The following TRIOBP variants were observed in gnomAD, a reference collection of about 807,000 sequenced individuals.
TRIOBP encodes the protein TRIO and F-actin-binding protein.
A neutral mutation model predicts 238.8 loss-of-function variants in TRIOBP; 169 were observed. The observed-to-expected ratio is 0.71, with a 90% CI of 0.62 to 0.80. The LOEUF (loss-of-function observed/expected upper bound fraction) is 0.80, where lower values mean the gene tolerates loss of function less well. Among genes scored for constraint, TRIOBP ranks in the 30% least tolerant of loss-of-function variants. The pLI is 0.00. For synonymous variants in TRIOBP, 1,150 were observed against 1,274.4 expected (o/e 0.90, Z 2.08); for missense variants, 2,838 against 3,122.6 (o/e 0.91, Z 2.17).
chr22:37,708,704 C>T (rs1241514539), intron 3 of TRIOBP, among the ~76,000 whole-genome samples: 1 of 152,232 alleles, frequency 6.6e-6, no homozygotes, highest in African/African-American at 2.4e-5. Flanking sequence ...TCTCAGCCTC[C>T]ATTTCCGAGA....
intron 12 of TRIOBP, among the ~76,000 whole-genome samples, chr22:37,753,498 C>T (rs902695361): frequency 2.6e-5 from 4 of 152,112 alleles, no homozygotes; most frequent in East Asian, 1.9e-4. Flanking sequence ...AGGCTGGTCT[C>T]GAACTCCTGA....
intron 10 of TRIOBP, among the ~76,000 whole-genome samples, chr22:37,740,009 A>C (rs1051674968): frequency 6.6e-6 from 1 of 152,162 alleles, no homozygotes; most frequent in Non-Finnish European, 1.5e-5. Flanking sequence ...CCTTCTGTAT[A>C]CCCAGGTGTG....
At position 37,724,426 on chromosome 22, in the gene TRIOBP, C is replaced by T. The variant is rs769653124; in HGVS notation, c.1870C>T (p.Pro624Ser). 36 of 1,513,340 alleles carry T rather than the reference C, an allele frequency of 2.4e-5. No individual in the cohort carries two copies. The highest frequency in any genetic ancestry group is 3.2e-5 in the Non-Finnish European group (36 of 1,121,876). 93.7% of individuals were successfully genotyped at this position (1,513,340 alleles called of 1,614,324 possible). A position where few individuals can be genotyped will look rare whatever the true frequency, so the allele number is the denominator to read the frequency against. Residue 624 changes from proline to serine, a missense_variant, in exon 7 of 24, where the codon CCC becomes TCC. This residue lies in a region of TRIOBP where 167 missense variants were observed against 200.2 expected (regional missense o/e 0.83). Coordinates refer to ENST00000644935, the MANE Select transcript of TRIOBP (RefSeq NM_001039141.3). ...SSPNRATRDN[P>S]RTSCAQRDNP... ...TCCCAATAGAGCCACACGAGATAAC[C>T]CCAGAACATCCTGTGCCCAGCGGGA... is the stretch of plus-strand genomic sequence containing the variant.
Position 37,765,564 on chromosome 22 carries a change from G to C in TRIOBP, c.6325-106G>C, listed in dbSNP as rs1201924228. On this transcript the variant is annotated intron_variant, in intron 17 of 23. Transcript: ENST00000644935. ...GCAGACTGGAGGTGCTGGGACCCAG[G>C]AGGAGGTGGTGTACCTGCCCCTGAG... The C allele has an allele frequency of 1.4e-5, 20 of 1,460,834 alleles. No homozygotes were observed. In the East Asian group the frequency reaches 4.9e-4, roughly 36 times the overall value. 90.5% of individuals were successfully genotyped at this position (1,460,834 alleles called of 1,614,324 possible). A position where few individuals can be genotyped will look rare whatever the true frequency, so the allele number is the denominator to read the frequency against.
intron 17 of TRIOBP, among the ~76,000 whole-genome samples, chr22:37,762,405 C>A: frequency 6.6e-6 from 1 of 152,200 alleles, no homozygotes; most frequent in East Asian, 1.9e-4. Flanking sequence ...TTTAGATTTC[C>A]TTTAGATAAA....
Position 37,776,432 on chromosome 22 carries a change from T to G in TRIOBP, c.*2652T>G, listed in dbSNP as rs1055288073. On this transcript the variant is annotated 3_prime_UTR_variant, in exon 24 of 24. Transcript: ENST00000644935. ...TATGGCCTAGCATTTCCACTCTTGC[T>G]TACACATCCAGGAGAAATGAGTCCT... The G allele has an allele frequency of 2.6e-5, 4 of 152,210 alleles. No individual in the cohort carries two copies. Among genetic ancestry groups the G allele is most frequent in the Non-Finnish European group, 4.4e-5 (3 of 68,044 alleles). The allele number at this position is 152,210 out of a possible 1,614,324, so 9.4% of individuals were successfully genotyped here.
rs1924570164 is a variant in TRIOBP at position 37,734,586 on chromosome 22, A to C, written c.4250A>C (p.Gln1417Pro). The stretch of plus-strand genomic sequence containing the variant: ...ACACAGAGACCTCTGGAGAGTGGCC[A>C]AGCAGGCCCAAGACAGCCTCTGGGG... Reference protein sequence around the residue: ...LRTQRPLESGQAGPRQPLGVW... With the variant: ...LRTQRPLESGPAGPRQPLGVW... The change falls in exon 9 of 24, where the codon CAA (glutamine) becomes CCA (proline). Residue 1417 changes from glutamine (Q) to proline (P), a missense_variant. Physicochemically the swap from Gln to Pro is moderately conservative, Grantham distance 76. Around this residue, in one of 5 missense-constraint regions of TRIOBP, gnomAD observed 2,096 missense variants for 2,137.4 expected, o/e 0.98. Transcript: ENST00000644935. 1.3e-6 allele frequency: 2 copies of C among 1,580,458 alleles called. No homozygotes were observed. The highest frequency in any genetic ancestry group is 1.7e-6 in the Non-Finnish European group (2 of 1,163,468).
At position 37,754,975 on chromosome 22, in the gene TRIOBP, T is replaced by A. The variant is rs773562879; in HGVS notation, c.5478T>A (p.Thr1826=). 5 of 1,614,112 alleles carry A rather than the reference T, an allele frequency of 3.1e-6. No homozygotes were observed. The highest frequency in any genetic ancestry group is 4.2e-6 in the Non-Finnish European group (5 of 1,180,004). The change falls in exon 13 of 24, where the codon ACT becomes ACA. Residue 1826 remains threonine, a synonymous_variant. Coordinates refer to ENST00000644935, the MANE Select transcript of TRIOBP (RefSeq NM_001039141.3). ...GTCTCAAATATTACAGAGACTCCAC[T>A]GCTGAGGAGGTGAGGCCATGGGTGT... is the stretch of plus-strand genomic sequence containing the variant. ...DSSLKYYRDS[T]AEEADELDGE... is the part of the protein sequence containing the mutation.
Position 37,725,788 on chromosome 22 carries a change from C to T in TRIOBP, c.3232C>T (p.Arg1078Cys), listed in dbSNP as rs200359708. The T allele has an allele frequency of 2.2e-3, 3,541 of 1,609,526 alleles. 21 individuals are homozygous for T. The highest frequency in any genetic ancestry group is 2.1e-3 in the Non-Finnish European group (2,460 of 1,177,280). ...TGCCCCCCGGGCGTCCTCGCCCCCC[C>T]GCCACACCCAATTTGACCCCTTCCC... The part of the protein sequence containing the change: ...RDAPRASSPP[R>C]HTQFDPFPFL... Residue 1078 changes from arginine (R) to cysteine (C), a missense_variant, in exon 7 of 24, where the codon CGC becomes TGC. Physicochemically the swap from Arg to Cys is radical, Grantham distance 180. This residue lies in a region of TRIOBP where 2,096 missense variants were observed against 2,137.4 expected (regional missense o/e 0.98). Coordinates refer to ENST00000644935, the MANE Select transcript of TRIOBP (RefSeq NM_001039141.3).
intron 11 of TRIOBP, among the ~76,000 whole-genome samples, chr22:37,743,838 TGTGTGTGCTGGGTGTGTGTGA>T (rs1171877310): frequency 1.7e-5 from 2 of 120,310 alleles, no homozygotes; most frequent in Non-Finnish European, 3.3e-5. Flanking sequence ...TGTGTGTGTG[TGTGTGTGCTGGGTGTGTGTGA>T]GTGTGTGCTG....
intron 10 of TRIOBP, 52 bp from the exon 11 acceptor site, chr22:37,740,843 G>GC: frequency 6.4e-7 from 1 of 1,552,464 alleles, no homozygotes; most frequent in Non-Finnish European, 8.7e-7. Flanking sequence ...AGCCAGGGGT[G>GC]CCCCCATCCT....
rs1569046088 is a variant in TRIOBP, at chr22:37,734,463, CTTGGAG to C, written c.4129_4134del (p.Trp1377_Ser1378del). On this transcript the variant is annotated inframe_deletion, in exon 9 of 24. Coordinates refer to ENST00000644935, the MANE Select transcript of TRIOBP (RefSeq NM_001039141.3). ...CGGAGCCAAGCAGAGCCCCCTCATC[CTTGGAG>C]TCCTGAGAAGAGACCTGAGGGAGAT... 10 of 1,612,964 alleles carry C rather than the reference CTTGGAG, an allele frequency of 6.2e-6. No homozygotes were observed. Among genetic ancestry groups the C allele is most frequent in the Non-Finnish European group, 8.5e-6 (10 of 1,179,868 alleles).
chr22:37,733,180 C>G (rs905909600), intron 7 of TRIOBP, 118 bp from the exon 8 acceptor site: 26 of 791,904 alleles, frequency 3.3e-5, no homozygotes, highest in African/African-American at 2.4e-4. Context: ...GGCCCTTCAA[C>G]GAGCTTGCAG....
chr22:37,749,676 T>C (rs1051318508), intron 11 of TRIOBP, among the ~76,000 whole-genome samples: 4 of 151,272 alleles, frequency 2.6e-5, no homozygotes, highest in African/African-American at 4.9e-5. Context: ...GCCGGGCACA[T>C]TGGCTCACAC....
chr22:37,718,140 G>A (rs1272989928), intron 6 of TRIOBP, among the ~76,000 whole-genome samples: 3 of 152,150 alleles, frequency 2.0e-5, no homozygotes, highest in African/African-American at 2.4e-5. Flanking sequence ...CCGAGTGCGG[G>A]GCCCACCAAG....
chr22:37,709,668 G>A (rs1923133636), intron 3 of TRIOBP, among the ~76,000 whole-genome samples: 1 of 152,206 alleles, frequency 6.6e-6, no homozygotes, highest in African/African-American at 2.4e-5. Context: ...CTCTCCAGAG[G>A]TGGGGAGGAA....
chr22:37,742,020 C>T (rs1924957551), intron 11 of TRIOBP, among the ~76,000 whole-genome samples: 1 of 152,178 alleles, frequency 6.6e-6, no homozygotes, highest in Non-Finnish European at 1.5e-5. Context: ...TGCAGTGGCA[C>T]CATCTCTACT....
At position 37,701,429 on chromosome 22, in the gene TRIOBP, C is replaced by T. The variant is rs374228600; in HGVS notation, c.64C>T (p.Arg22Cys). The T allele has an allele frequency of 1.8e-5, 29 of 1,613,750 alleles. 1 individual carries two copies. The East Asian group carries it at 2.5e-4, about 14-fold the overall frequency. ...TGAGGCCAACATACTTACCCAGAAC[C>T]GCTGTCAAAACTGCTTCCACCCTGA... ...HFEANILTQNRCQNCFHPEEA... is the reference protein window; with the variant it reads ...HFEANILTQNCCQNCFHPEEA... Residue 22 changes from arginine (R) to cysteine (C), a missense_variant, in exon 3 of 24, where the codon CGC (arginine) becomes TGC (cysteine). By Grantham distance (180) the Arg-to-Cys change is radical. This residue lies in a region of TRIOBP where 535 missense variants were observed against 537.3 expected (regional missense o/e 1.00). Transcript: ENST00000644935.
chr22:37,723,464 C>T lies in TRIOBP; in HGVS notation c.908C>T (p.Ser303Leu), dbSNP rs1446487656. 6.2e-7 allele frequency: 1 copy of T among 1,613,454 alleles called. No homozygotes were observed. The highest frequency in any genetic ancestry group is 8.5e-7 in the Non-Finnish European group (1 of 1,179,842). Residue 303 changes from serine (S) to leucine (L), a missense_variant, in exon 7 of 24, where the codon TCA (serine) becomes TTA (leucine). Ser to Leu is a moderately radical substitution (Grantham distance 145, BLOSUM62 -2). Around this residue, in one of 5 missense-constraint regions of TRIOBP, gnomAD observed 535 missense variants for 537.3 expected, o/e 1.00. Transcript: ENST00000644935. Reference protein sequence around the residue: ...SSTQQEISRASSTQQETSRAS... With the variant: ...SSTQQEISRALSTQQETSRAS... ...ACCCAACAGGAAATCTCCAGGGCCT[C>T]ATCCACCCAACAGGAAACCTCCAGG...
Sources: allele counts gnomAD v4.1 joint callset (sites outside exome capture counted in the v4.1 genomes callset), GRCh38; gene constraint gnomAD v4.1.1; regional missense constraint gnomAD v4.1.1; transcripts MANE v1.5; gene names NCBI Gene and HGNC (gene_info 2026-07-23, HGNC 2026-07-21).